The following TMEM235 variants were observed in gnomAD, a reference collection of about 807,000 sequenced individuals.
The protein encoded by TMEM235 is claudin-27.
A neutral mutation model predicts 22.9 loss-of-function variants in TMEM235; 23 were observed. The observed-to-expected ratio is 1.00, with a 90% CI of 0.72 to 1.42. The LOEUF is 1.42. Among genes scored for constraint, TMEM235 ranks in the 40% most tolerant of loss-of-function variants. The probability of loss-of-function intolerance (pLI) is 0.00; values close to 1 mark genes in which losing one functional copy is unlikely to be tolerated. For missense variants in TMEM235, 308 were observed against 299.5 expected (o/e 1.03, Z -0.21); for synonymous variants, 137 against 140.5 (o/e 0.98, Z 0.17).
intron 2 of TMEM235, among the ~76,000 whole-genome samples, chr17:78,233,261 G>C (rs2076604678): frequency 6.6e-6 from 1 of 152,236 alleles, no homozygotes; most frequent in Admixed American, 6.5e-5. Flanking sequence ...CCAGGAGCCC[G>C]TTTTGTACAC....
chr17:78,231,581 C>G, exon 2 of TMEM235: 1 of 1,303,880 alleles, frequency 7.7e-7, no homozygotes, highest in Non-Finnish European at 1.0e-6. Flanking sequence ...TGCTGCCTGG[C>G]CGGCCATCCT....
rs958139983 is a variant in TMEM235, at chr17:78,234,454, A to G, written c.272-139A>G. The G allele has an allele frequency of 7.9e-6, 10 of 1,268,708 alleles. No homozygotes were observed. In the African/African-American group the frequency reaches 1.5e-4, roughly 19 times the overall value. 78.6% of individuals were successfully genotyped at this position (1,268,708 alleles called of 1,614,324 possible). Reference sequence around the variant, plus strand: ...GCCAGAGTCAGAGGGGGCCACTGGGAGGGTCCAGTGGTGTCCACAGAGATG... The same window carrying G: ...GCCAGAGTCAGAGGGGGCCACTGGGGGGGTCCAGTGGTGTCCACAGAGATG... On this transcript the variant is annotated intron_variant, in intron 3 of 5. Coordinates refer to ENST00000421688, the Ensembl canonical transcript of TMEM235.
At chr17:78,231,293 A>G (rs2076576053), upstream of TMEM235, 8 of 839,550 alleles carry the variant, frequency 9.5e-6, no homozygotes, top group African/African-American at 1.8e-5. Flanking sequence ...TCCCACCCCC[A>G]CTGGCACCCC....
chr17:78,232,808 G>C (rs979190794), intron 2 of TMEM235, among the ~76,000 whole-genome samples: 1 of 152,132 alleles, frequency 6.6e-6, no homozygotes, highest in Non-Finnish European at 1.5e-5. Context: ...CAGGGCAGGG[G>C]TGTGTGTGTG....
At chr17:78,232,916 AGTGT>A (rs1350206518) in intron 2 of TMEM235, among the ~76,000 whole-genome samples, 1 of 151,956 alleles carries the variant, frequency 6.6e-6, no homozygotes, top group African/African-American at 2.4e-5. Flanking sequence ...TGTGAGTGTG[AGTGT>A]ATGTAGTTGT....
chr17:78,231,931 C>G, exon 2 of TMEM235: 1 of 994,762 alleles, frequency 1.0e-6, no homozygotes, highest in Non-Finnish European at 1.2e-6. Context: ...CGCGCCCGCC[C>G]GCCCCCCGTC....
At chr17:78,232,716 G>A (rs1262286298) in intron 2 of TMEM235, among the ~76,000 whole-genome samples, 2 of 150,952 alleles carry the variant, frequency 1.3e-5, no homozygotes, top group African/African-American at 5.0e-5. Context: ...AGGGTCCACA[G>A]GGCCCCCTCC....
At chr17:78,240,077 T>C in exon 6 of TMEM235, 2 of 1,429,900 alleles carry the variant, frequency 1.4e-6, no homozygotes, top group Non-Finnish European at 1.9e-6. Flanking sequence ...TCTCTGTCCT[T>C]GTCCTGGCAC....
At chr17:78,234,351 TGGG>T (rs1229570151) in intron 3 of TMEM235, 1 of 715,376 alleles carries the variant, frequency 1.4e-6, no homozygotes, top group Non-Finnish European at 2.5e-6. Flanking sequence ...CCTGGCGGGT[TGGG>T]GGACATGTGA....
At chr17:78,232,141 G>A in exon 2 of TMEM235, 2 of 1,488,060 alleles carry the variant, frequency 1.3e-6, no homozygotes, top group Non-Finnish European at 1.8e-6. Context: ...GGCGGACGCC[G>A]GCAATGGCAG....
intron 2 of TMEM235, among the ~76,000 whole-genome samples, 152 bp from the exon 2 acceptor site, chr17:78,233,743 G>C (rs559901038): frequency 2.6e-5 from 4 of 152,050 alleles, no homozygotes; most frequent in Non-Finnish European, 5.9e-5. Flanking sequence ...AAGGTCTTGG[G>C]CCTTTTCATC....
exon 6 of TMEM235, chr17:78,240,329 T>C: frequency 4.7e-6 from 1 of 214,052 alleles, no homozygotes. Context: ...GGCGCAGGGC[T>C]GGGCCTGGAG....
chr17:78,234,269 C>A (rs1224209742), intron 3 of TMEM235: 1 of 687,112 alleles, frequency 1.5e-6, no homozygotes, highest in African/African-American at 1.8e-5. Context: ...GCGGGCCTTG[C>A]AGACTCCTGG....
chr17:78,234,058 C>A, intron 3 of TMEM235, 83 bp downstream of exon 2: 1 of 1,239,968 alleles, frequency 8.1e-7, no homozygotes, highest in Non-Finnish European at 1.1e-6. Flanking sequence ...CCCCATCCCG[C>A]AGCACTGCTT....
chr17:78,234,057 G>GC, intron 3 of TMEM235, 82 bp downstream of exon 2: 1 of 1,243,440 alleles, frequency 8.0e-7, no homozygotes, highest in South Asian at 1.4e-5. Flanking sequence ...TCCCCATCCC[G>GC]CAGCACTGCT....
chr17:78,231,757 C>G, exon 2 of TMEM235: 1 of 1,228,688 alleles, frequency 8.1e-7, no homozygotes, highest in Non-Finnish European at 1.1e-6. Flanking sequence ...GATTGGAGCC[C>G]AAGCCCCAGG....
chr17:78,240,109 C>T, exon 6 of TMEM235: 8 of 1,346,136 alleles, frequency 5.9e-6, no homozygotes, highest in Non-Finnish European at 7.8e-6. Context: ...GCTTCCGGCC[C>T]CCGACCCTTC....
At position 78,237,829 on chromosome 17, in the gene TMEM235, CCCTCAG is replaced by C. The variant is rs1299123418; in HGVS notation, c.410-1190_410-1185del. ...GGGCAGGCATCCGTGTGTCCTCCCTCCCTCAGCCTCCCCATGCCTTCTTCTCCCCAC... is the reference window on the plus strand; with the variant it reads ...GGGCAGGCATCCGTGTGTCCTCCCTCCCTCCCCATGCCTTCTTCTCCCCAC... On this transcript the variant is annotated intron_variant, in intron 4 of 5. Transcript: ENST00000421688. The surrounding 1 kb of genome is among the most constrained non-coding windows in gnomAD (Gnocchi z 4.7). Among the ~76,000 whole-genome samples the C allele has an allele frequency of 6.6e-6, 1 of 152,178 alleles. No homozygotes were observed. The highest frequency in any genetic ancestry group is 1.5e-5 in the Non-Finnish European group (1 of 68,028).
At chr17:78,231,994 C>G (rs1467763128) in exon 2 of TMEM235, 9 of 1,205,938 alleles carry the variant, frequency 7.5e-6, no homozygotes, top group Non-Finnish European at 6.2e-6. Flanking sequence ...CCTGCTACCC[C>G]CGACCCGTCC....
Sources: gnomAD v4.1 joint callset for allele counts (sites outside exome capture counted in the v4.1 genomes callset) on GRCh38, gnomAD v4.1.1 for gene constraint, Gnocchi (gnomAD v3.1) non-coding constraint, MANE v1.5 for transcripts, NCBI Gene and HGNC (gene_info 2026-07-23, HGNC 2026-07-21) for gene names.